STK32B: variants seen among roughly 807,000 people sequenced by gnomAD.
The protein encoded by STK32B is serine/threonine kinase 32B.
STK32B carries 43 observed loss-of-function variants against 52.6 expected under a neutral mutation model. That is an observed-to-expected ratio of 0.82 (90% confidence interval 0.64 to 1.05). STK32B has a LOEUF of 1.05. Ranked by LOEUF, STK32B falls within the 50% of genes least tolerant of loss-of-function variation. STK32B has a pLI of 0.00. For missense variants in STK32B, 621 were observed against 534.6 expected (o/e 1.16, Z -1.59); for synonymous variants, 238 against 204.3 (o/e 1.17, Z -1.41).
intron 6 of STK32B, among the ~76,000 whole-genome samples, chr4:5,441,371 A>G (rs1245779930): frequency 6.6e-6 from 1 of 150,710 alleles, no homozygotes; most frequent in Non-Finnish European, 1.5e-5. Context: ...CATTTCTTCT[A>G]GATTTTCTAG....
chr4:5,316,267 GTATA>G (rs1245455895), intron 3 of STK32B, among the ~76,000 whole-genome samples: 1 of 44,678 alleles, frequency 2.2e-5, no homozygotes, highest in Non-Finnish European at 3.2e-5. Context: ...ATATTATATA[GTATA>G]TATAATATAT....
At chr4:5,238,964 A>C (rs1724818126) in intron 3 of STK32B, among the ~76,000 whole-genome samples, 1 of 152,216 alleles carries the variant, frequency 6.6e-6, no homozygotes. Flanking sequence ...GGCATTCCTT[A>C]ATGCTTTTAG....
At chr4:5,178,918 C>T (rs1470660931) in intron 3 of STK32B, among the ~76,000 whole-genome samples, 3 of 152,202 alleles carry the variant, frequency 2.0e-5, no homozygotes, top group Admixed American at 6.5e-5. Flanking sequence ...CTGTTGCAAC[C>T]TCTGCCTGTT....
upstream of STK32B, among the ~76,000 whole-genome samples, chr4:5,049,211 T>C (rs1341340499): frequency 6.6e-6 from 1 of 151,990 alleles, no homozygotes; most frequent in Non-Finnish European, 1.5e-5. Context: ...GTTTTTTTTT[T>C]TTTGAGACGG....
At chr4:5,239,579 G>C (rs1448431682) in intron 3 of STK32B, among the ~76,000 whole-genome samples, 1 of 152,066 alleles carries the variant, frequency 6.6e-6, no homozygotes, top group African/African-American at 2.4e-5. Context: ...GGGCACCCCA[G>C]ATACTGGCAC....
chr4:5,285,724 A>T (rs1313518572), intron 3 of STK32B, among the ~76,000 whole-genome samples: 2 of 152,214 alleles, frequency 1.3e-5, no homozygotes, highest in African/African-American at 4.8e-5. Context: ...TTATTAGTAG[A>T]TAGATCAAAT....
chr4:5,111,846 A>G (rs1031361550), intron 1 of STK32B, among the ~76,000 whole-genome samples: 2 of 152,154 alleles, frequency 1.3e-5, no homozygotes, highest in African/African-American at 2.4e-5. Context: ...ACAAGGATCC[A>G]TGTGCAAATA....
chr4:5,076,032 G>T (rs1017639650), intron 1 of STK32B, among the ~76,000 whole-genome samples: 13 of 152,200 alleles, frequency 8.5e-5, no homozygotes, highest in African/African-American at 3.1e-4. Flanking sequence ...CATGGACTAA[G>T]TCCTTCTCAT....
intron 6 of STK32B, among the ~76,000 whole-genome samples, chr4:5,431,051 G>T (rs1031244073): frequency 2.0e-5 from 3 of 152,172 alleles, no homozygotes; most frequent in African/African-American, 7.2e-5. Flanking sequence ...GGGGATCTTA[G>T]GGGTGATCCT....
intron 2 of STK32B, among the ~76,000 whole-genome samples, chr4:5,145,308 A>G (rs779163883): frequency 6.6e-6 from 1 of 152,234 alleles, no homozygotes; most frequent in African/African-American, 2.4e-5. Context: ...AAATATTTGT[A>G]CATTTCTCCT....
At chr4:5,137,466 G>T (rs538657028) in intron 1 of STK32B, among the ~76,000 whole-genome samples, 1 of 152,266 alleles carries the variant, frequency 6.6e-6, no homozygotes, top group East Asian at 1.9e-4. Context: ...GATGTGTAAG[G>T]TATCCCAACT....
intron 4 of STK32B, among the ~76,000 whole-genome samples, chr4:5,368,473 A>G (rs1405850830): frequency 2.0e-5 from 3 of 151,676 alleles, no homozygotes; most frequent in Non-Finnish European, 4.4e-5. Context: ...ATTATAAATG[A>G]TAAGGGCTTT....
chr4:5,441,083 C>T (rs1448931419), intron 6 of STK32B, among the ~76,000 whole-genome samples: 2 of 149,878 alleles, frequency 1.3e-5, no homozygotes, highest in African/African-American at 4.9e-5. Context: ...GGTTGTGTCT[C>T]TGCCTGGCTT....
chr4:5,271,010 C>A (rs1727391142), intron 3 of STK32B, among the ~76,000 whole-genome samples: 1 of 151,992 alleles, frequency 6.6e-6, no homozygotes, highest in African/African-American at 2.4e-5. Context: ...CGATCTCAGC[C>A]CACTGCAACC....
intron 3 of STK32B, among the ~76,000 whole-genome samples, chr4:5,195,554 A>G (rs542442637): frequency 2.0e-5 from 3 of 152,228 alleles, no homozygotes; most frequent in East Asian, 3.9e-4. Context: ...TTACCCAAGC[A>G]TGGTGGTGGG....
At chr4:5,132,836 C>T (rs1715861033) in intron 1 of STK32B, among the ~76,000 whole-genome samples, 1 of 151,938 alleles carries the variant, frequency 6.6e-6, no homozygotes, top group African/African-American at 2.4e-5. Flanking sequence ...CTCTGTTACC[C>T]AGGCTGGAGT....
intron 3 of STK32B, among the ~76,000 whole-genome samples, chr4:5,277,321 A>C (rs1169766279): frequency 6.6e-6 from 1 of 152,090 alleles, no homozygotes; most frequent in African/African-American, 2.4e-5. Context: ...GACAATGGAG[A>C]AGCTATTAGA....
At chr4:5,305,193 C>T (rs1461544835) in intron 3 of STK32B, among the ~76,000 whole-genome samples, 1 of 152,146 alleles carries the variant, frequency 6.6e-6, no homozygotes, top group East Asian at 1.9e-4. Context: ...TAGGGTGATA[C>T]TGGCTTCATA....
intron 3 of STK32B, among the ~76,000 whole-genome samples, chr4:5,241,718 C>T (rs184037082): frequency 6.6e-6 from 1 of 152,030 alleles, no homozygotes; most frequent in Non-Finnish European, 1.5e-5. Flanking sequence ...TAATGCTATC[C>T]CTCCCTGCTC....
Sources: allele counts gnomAD v4.1 joint callset (sites outside exome capture counted in the v4.1 genomes callset), GRCh38; gene constraint gnomAD v4.1.1; transcripts MANE v1.5; gene names NCBI Gene and HGNC (gene_info 2026-07-23, HGNC 2026-07-21).